Variants in PSMG4 observed in about 807,000 individuals in gnomAD.
PSMG4 encodes proteasome assembly chaperone 4.
A neutral mutation model predicts 11.0 loss-of-function variants in PSMG4; 10 were observed. The observed-to-expected ratio is 0.91, with a 90% CI of 0.56 to 1.54. The LOEUF (loss-of-function observed/expected upper bound fraction) is 1.54, where lower values mean the gene tolerates loss of function less well. Among genes scored for constraint, PSMG4 ranks in the 40% most tolerant of loss-of-function variants. The probability of loss-of-function intolerance (pLI) is 0.00; values close to 1 mark genes in which losing one functional copy is unlikely to be tolerated. For synonymous variants in PSMG4, 95 were observed against 71.3 expected (o/e 1.33, Z -1.68); for missense variants, 198 against 160.9 (o/e 1.23, Z -1.25).
intron 1 of PSMG4, among the ~76,000 whole-genome samples, chr6:3,260,287 A>AT (rs1429987705): frequency 1.1e-3 from 12 of 10,756 alleles, no homozygotes; most frequent in African/African-American, 3.1e-3. Flanking sequence ...GTATATATAT[A>AT]TATATTTTTT....
upstream of PSMG4, chr6:3,255,084 AAG>A: frequency 6.4e-7 from 1 of 1,551,016 alleles, no homozygotes; most frequent in Non-Finnish European, 8.7e-7. Flanking sequence ...TTCTATTCCT[AAG>A]AAGTTGGCTG....
intron 2 of PSMG4, chr6:3,264,287 C>T (rs752915832): frequency 2.6e-6 from 4 of 1,551,352 alleles, no homozygotes; most frequent in Non-Finnish European, 3.5e-6. Flanking sequence ...GCTGAATGCT[C>T]CACTCTTCCC....
upstream of PSMG4, chr6:3,255,164 A>T: frequency 6.4e-7 from 1 of 1,550,900 alleles, no homozygotes; most frequent in Non-Finnish European, 8.7e-7. Context: ...GGCCATACTG[A>T]CGGCTTACAT....
intron 1 of PSMG4, 104 bp from the exon 2 acceptor site, chr6:3,263,580 C>G: frequency 8.0e-6 from 8 of 1,005,008 alleles, no homozygotes; most frequent in Non-Finnish European, 1.1e-5. Context: ...CTCTCTGAAC[C>G]TGCCACTGCC....
chr6:3,262,731 C>T (rs1396576458), intron 1 of PSMG4, among the ~76,000 whole-genome samples: 1 of 152,102 alleles, frequency 6.6e-6, no homozygotes, highest in African/African-American at 2.4e-5. Context: ...TGTAGCCAGG[C>T]TGCTTCTCCT....
chr6:3,262,526 T>A (rs756627187), intron 1 of PSMG4, among the ~76,000 whole-genome samples: 17 of 152,186 alleles, frequency 1.1e-4, no homozygotes, highest in Admixed American at 6.5e-4. Context: ...TTTTATTGTC[T>A]TTTGTGGAAG....
intron 1 of PSMG4, among the ~76,000 whole-genome samples, chr6:3,260,052 T>C (rs1042112077): frequency 1.3e-5 from 2 of 151,924 alleles, no homozygotes; most frequent in African/African-American, 4.8e-5. Context: ...TGATCCTCCT[T>C]CCTCAGCCTC....
At chr6:3,254,552 T>C (rs1159172573), upstream of PSMG4, among the ~76,000 whole-genome samples, 5 of 152,278 alleles carry the variant, frequency 3.3e-5, no homozygotes, top group Middle Eastern at 6.8e-3. Flanking sequence ...TGTGCAGATT[T>C]GTTCTCGGGG....
intron 1 of PSMG4, among the ~76,000 whole-genome samples, chr6:3,260,283 ATATATATATTT>A (rs1757933033): frequency 3.3e-5 from 1 of 30,224 alleles, no homozygotes; most frequent in South Asian, 1.2e-3. Context: ...AATTGTATAT[ATATATATATTT>A]TTTTTTTTTT....
upstream of PSMG4, among the ~76,000 whole-genome samples, chr6:3,257,611 A>G (rs1757810014): frequency 6.6e-6 from 1 of 152,162 alleles, no homozygotes; most frequent in East Asian, 1.9e-4. Flanking sequence ...TGAACCCAAG[A>G]TAATTATGAT....
chr6:3,265,186 AAG>A, intron 2 of PSMG4: 1 of 152,128 alleles, frequency 6.6e-6, no homozygotes, highest in Non-Finnish European at 1.5e-5. Flanking sequence ...GGCGTCTCTT[AAG>A]GGAATGGTGC....
At chr6:3,263,568 T>C in intron 1 of PSMG4, 116 bp from the exon 2 acceptor site, 1 of 860,362 alleles carries the variant, frequency 1.2e-6, no homozygotes, top group East Asian at 2.8e-5. Flanking sequence ...CCTGTGCCTG[T>C]CCTCTCTGAA....
intron 1 of PSMG4, among the ~76,000 whole-genome samples, chr6:3,260,333 C>G (rs950829185): frequency 1.6e-5 from 2 of 128,880 alleles, no homozygotes; most frequent in East Asian, 4.8e-4. Context: ...GCTCTGTCGC[C>G]CAGGCTGGAG....
At chr6:3,265,319 A>G (rs1378780364) in intron 2 of PSMG4, 1 of 152,234 alleles carries the variant, frequency 6.6e-6, no homozygotes, top group African/African-American at 2.4e-5. Context: ...GGTGTCCTGA[A>G]TCAGTATCTT....
intron 2 of PSMG4, chr6:3,265,599 CTTACAGGCTCCTCCTA>C (rs1360328854): frequency 6.6e-6 from 1 of 152,278 alleles, no homozygotes; most frequent in Non-Finnish European, 1.5e-5. Flanking sequence ...CAGGGTGTGA[CTTACAGGCTCCTCCTA>C]GGCAGCCTTG....
chr6:3,257,730 G>C (rs982424526), upstream of PSMG4, among the ~76,000 whole-genome samples: 40 of 151,890 alleles, frequency 2.6e-4, no homozygotes, highest in Non-Finnish European at 7.4e-5. Flanking sequence ...CAGTGGTTGG[G>C]GGCAGGAGTC....
At chr6:3,260,291 A>ATATATATATATATATATATTT in intron 1 of PSMG4, among the ~76,000 whole-genome samples, 1 of 70,840 alleles carries the variant, frequency 1.4e-5, no homozygotes, top group African/African-American at 5.5e-5. Context: ...ATATATATAT[A>ATATATATATATATATATATTT]TTTTTTTTTT....
chr6:3,254,632 CTGAT>C (rs1179938696), upstream of PSMG4, among the ~76,000 whole-genome samples: 1 of 152,124 alleles, frequency 6.6e-6, no homozygotes, highest in African/African-American at 2.4e-5. Flanking sequence ...AGGTGTAACA[CTGAT>C]TGTGAAGGCC....
intron 1 of PSMG4, 91 bp from the exon 2 acceptor site, chr6:3,263,593 C>A: frequency 8.9e-7 from 1 of 1,124,684 alleles, no homozygotes; most frequent in South Asian, 1.7e-5. Flanking sequence ...CCACTGCCAT[C>A]GTCGTGAAGA....
Sources: gnomAD v4.1 joint callset for allele counts (sites outside exome capture counted in the v4.1 genomes callset) on GRCh38, gnomAD v4.1.1 for gene constraint, MANE v1.5 for transcripts, NCBI Gene and HGNC (gene_info 2026-07-23, HGNC 2026-07-21) for gene names.